The following TGFBR2 variants were observed in gnomAD, a reference collection of about 807,000 sequenced individuals.
The protein encoded by TGFBR2 is transforming growth factor beta receptor 2, also known as TGF-beta receptor type-2.
A neutral mutation model predicts 49.0 loss-of-function variants in TGFBR2; 18 were observed. That is an observed-to-expected ratio of 0.37 (90% CI 0.25 to 0.54). TGFBR2 has a LOEUF of 0.54. Among genes scored for constraint, TGFBR2 ranks in the 20% least tolerant of loss-of-function variants. TGFBR2 has a pLI of 0.85. For synonymous variants in TGFBR2, 282 were observed against 275.9 expected (o/e 1.02, Z -0.22); for missense variants, 525 against 722.6 (o/e 0.73, Z 3.13).
intron 6 of TGFBR2, among the ~76,000 whole-genome samples, chr3:30,689,049 C>T (rs1257691425): frequency 6.6e-6 from 1 of 152,154 alleles, no homozygotes; most frequent in African/African-American, 2.4e-5. Flanking sequence ...AGGAGACCGA[C>T]TCCTCACTCT....
intron 5 of TGFBR2, among the ~76,000 whole-genome samples, chr3:30,686,155 A>G (rs990539603): frequency 1.3e-5 from 2 of 152,192 alleles, no homozygotes; most frequent in Non-Finnish European, 2.9e-5. Context: ...CTTGAATTCA[A>G]CCGAACTCAT....
At chr3:30,653,042 C>T (rs1435883459) in intron 3 of TGFBR2, among the ~76,000 whole-genome samples, 2 of 152,030 alleles carry the variant, frequency 1.3e-5, no homozygotes, top group Non-Finnish European at 2.9e-5. Context: ...GTACAGGAAG[C>T]CTTTCACAGC....
chr3:30,669,121 C>CAAAAAAAAAAAAAAAAAAAAAAAAAA (rs56069409), intron 3 of TGFBR2, among the ~76,000 whole-genome samples: 2 of 83,476 alleles, frequency 2.4e-5, no homozygotes, highest in African/African-American at 1.1e-4. Flanking sequence ...ACTAAAAATA[C>CAAAAAAAAAAAAAAAAAAAAAAAAAA]AAAAAAAAAA....
chr3:30,623,830 A>G (rs1471615155), intron 1 of TGFBR2, among the ~76,000 whole-genome samples: 13 of 152,204 alleles, frequency 8.5e-5, no homozygotes, highest in Admixed American at 8.5e-4. Context: ...ATTCTTAAAC[A>G]TGAATGTCTG....
chr3:30,675,606 C>T (rs768849843), intron 5 of TGFBR2, among the ~76,000 whole-genome samples: 1 of 152,104 alleles, frequency 6.6e-6, no homozygotes, highest in Non-Finnish European at 1.5e-5. Flanking sequence ...AGGCTGATAT[C>T]GAACTCTTGA....
chr3:30,693,957 A>T lies in TGFBR2; in HGVS notation c.*2358A>T. ...GTTTTATTCTTTTATGGAACACTTC[A>T]GCTGTACTCATGTATTAAAATAGGA... is the stretch of plus-strand genomic sequence containing the variant. On this transcript the variant is annotated 3_prime_UTR_variant, in exon 7 of 7. Transcript: ENST00000295754. The T allele has an allele frequency of 4.3e-6, 1 of 230,222 alleles. No homozygotes were observed. The allele number at this position is 230,222 out of a possible 1,614,324, so 14.3% of individuals were successfully genotyped here.
intron 2 of TGFBR2, 137 bp from the exon 3 acceptor site, chr3:30,650,133 C>A: frequency 2.4e-6 from 2 of 833,148 alleles, no homozygotes; most frequent in Admixed American, 3.7e-5. Context: ...AGAACAGGAA[C>A]CAGCTGCCGT....
rs1333840790 is a variant in TGFBR2, at chr3:30,692,541, C to A, written c.*942C>A. 2 of 233,056 alleles carry A rather than the reference C, an allele frequency of 8.6e-6. No individual in the cohort carries two copies. Among genetic ancestry groups the A allele is most frequent in the African/African-American group, 4.4e-5 (2 of 45,334 alleles). 14.4% of individuals were successfully genotyped at this position (233,056 alleles called of 1,614,324 possible). On this transcript the variant is annotated 3_prime_UTR_variant, in exon 7 of 7. Coordinates refer to ENST00000295754, the MANE Select transcript of TGFBR2 (RefSeq NM_003242.6). ...TATGTTACTATTCTCTGCTCCCAGC[C>A]TTCATCCTTTTCTAAAAAGGAGCAA...
At chr3:30,691,335 C>T (rs1166077589) in intron 6 of TGFBR2, 85 bp from the exon 7 acceptor site, 1 of 1,486,912 alleles carries the variant, frequency 6.7e-7, no homozygotes, top group African/African-American at 1.4e-5. Flanking sequence ...CTTGCACTCA[C>T]TATAGCAACA....
rs1699362600 is a variant in TGFBR2 at position 30,672,508 on chromosome 3, C to T, written c.1254+71C>T. 3.3e-6 allele frequency: 5 copies of T among 1,522,780 alleles called. No individual in the cohort carries two copies. Among genetic ancestry groups the T allele is most frequent in the Non-Finnish European group, 4.6e-6 (5 of 1,097,770 alleles). The allele number at this position is 1,522,780 out of a possible 1,614,324, so 94.3% of individuals were successfully genotyped here. On this transcript the variant is annotated intron_variant, in intron 4 of 6. Transcript: ENST00000295754. This position sits in a 1 kb window ranked among gnomAD's most constrained non-coding sequence, Gnocchi z 4.5. ...TCACCCTACCTCTTGATCCATATCT[C>T]CTGGCTCTTATCTCAAACAGCCCTG...
chr3:30,660,788 C>T (rs1035409324), intron 3 of TGFBR2, among the ~76,000 whole-genome samples: 4 of 152,172 alleles, frequency 2.6e-5, no homozygotes, highest in Non-Finnish European at 5.9e-5. Context: ...TTAAATTATA[C>T]GTTAAAGGAA....
chr3:30,667,850 G>A (rs1699270265), intron 3 of TGFBR2, among the ~76,000 whole-genome samples: 1 of 151,994 alleles, frequency 6.6e-6, no homozygotes, highest in Non-Finnish European at 1.5e-5. Context: ...AAAAAAAATT[G>A]ACTACATATT....
chr3:30,626,492 C>A (rs1346624967), intron 1 of TGFBR2: 1 of 152,174 alleles, frequency 6.6e-6, no homozygotes, highest in African/African-American at 2.4e-5. Flanking sequence ...TTAAGGCAGG[C>A]ACTATTGTTC....
At chr3:30,650,234 CTCTCCCCTCGCT>C (rs780690458) in intron 2 of TGFBR2, 24 bp from the exon 3 acceptor site, 1 of 1,595,240 alleles carries the variant, frequency 6.3e-7, no homozygotes, top group South Asian at 1.1e-5. Flanking sequence ...CTCTCTCTCC[CTCTCCCCTCGCT>C]TCCAATGAAT....
intron 1 of TGFBR2, among the ~76,000 whole-genome samples, chr3:30,639,335 AT>A (rs1412157916): frequency 6.6e-6 from 1 of 152,316 alleles, no homozygotes; most frequent in East Asian, 1.9e-4. Context: ...AGCTAAAATC[AT>A]TTGACTTTAA....
chr3:30,670,334 C>A lies in TGFBR2; in HGVS notation c.455-1304C>A, dbSNP rs140898760. On this transcript the variant is annotated intron_variant, in intron 3 of 6. Transcript: ENST00000295754. ...CCCCTATCCCAGATGCCATATATTG[C>A]TTACTTGTATATATGCCCTAAGTCC... Among the ~76,000 whole-genome samples the A allele has an allele frequency of 6.8e-3, 1,041 of 152,290 alleles. 9 individuals are homozygous for A. The highest frequency in any genetic ancestry group is 0.024 in the African/African-American group (993 of 41,546).
At chr3:30,638,897 G>A (rs768518029) in intron 1 of TGFBR2, among the ~76,000 whole-genome samples, 3 of 152,128 alleles carry the variant, frequency 2.0e-5, no homozygotes, top group East Asian at 1.9e-4. Context: ...AGGCCACAGC[G>A]GCTTTCTGCC....
At position 30,676,050 on chromosome 3, in the gene TGFBR2, G is replaced by A. The variant is rs983334300; in HGVS notation, c.1396+1804G>A. On this transcript the variant is annotated intron_variant, in intron 5 of 6. Coordinates refer to ENST00000295754, the MANE Select transcript of TGFBR2 (RefSeq NM_003242.6). This position sits in a 1 kb window ranked among gnomAD's most constrained non-coding sequence, Gnocchi z 4.3. ...AAAAGTTTAAGACAGTTATTTAGACGGTCTCTCACTTTGGGTTTCACTAAT... is the reference window on the plus strand; with the variant it reads ...AAAAGTTTAAGACAGTTATTTAGACAGTCTCTCACTTTGGGTTTCACTAAT... Among the ~76,000 whole-genome samples the A allele has an allele frequency of 6.6e-6, 1 of 152,066 alleles. No homozygotes were observed. The highest frequency in any genetic ancestry group is 2.4e-5 in the African/African-American group (1 of 41,380).
intron 1 of TGFBR2, among the ~76,000 whole-genome samples, chr3:30,611,137 C>T (rs1394706230): frequency 6.6e-6 from 1 of 152,160 alleles, no homozygotes; most frequent in East Asian, 1.9e-4. Context: ...CCCATTATAC[C>T]TTTAATCCTC....
Sources: gnomAD v4.1 joint callset for allele counts (sites outside exome capture counted in the v4.1 genomes callset) on GRCh38, gnomAD v4.1.1 for gene constraint, Gnocchi (gnomAD v3.1) non-coding constraint, MANE v1.5 for transcripts, NCBI Gene and HGNC (gene_info 2026-07-23, HGNC 2026-07-21) for gene names.